Variants in RIMS1 observed in about 807,000 individuals in gnomAD.
The protein encoded by RIMS1 is regulating synaptic membrane exocytosis protein 1.
A neutral mutation model predicts 214.1 loss-of-function variants in RIMS1; 83 were observed. The ratio of observed to expected loss-of-function variants is 0.39; its 90% CI spans 0.32 to 0.47. The LOEUF (loss-of-function observed/expected upper bound fraction) is 0.47, where lower values mean the gene tolerates loss of function less well. Among genes scored for constraint, RIMS1 ranks in the 20% least tolerant of loss-of-function variants. The pLI, the probability that RIMS1 is intolerant of heterozygous loss-of-function variation, is 0.99. For synonymous variants in RIMS1, 793 were observed against 786.8 expected (o/e 1.01, Z -0.13); for missense variants, 2,050 against 2,161.8 (o/e 0.95, Z 1.03).
intron 24 of RIMS1, among the ~76,000 whole-genome samples, chr6:72,285,162 ACTTCTT>A (rs1468044394): frequency 6.6e-6 from 1 of 152,214 alleles, no homozygotes; most frequent in African/African-American, 2.4e-5. Flanking sequence ...AAGAATTTCA[ACTTCTT>A]TATTGATCTG....
chr6:72,002,400 C>T (rs1413500285), intron 2 of RIMS1, among the ~76,000 whole-genome samples: 4 of 151,644 alleles, frequency 2.6e-5, no homozygotes, highest in African/African-American at 9.7e-5. Flanking sequence ...GCAACAATAC[C>T]CCAGAAGTCT....
intron 6 of RIMS1, among the ~76,000 whole-genome samples, chr6:72,200,399 C>A (rs1344214139): frequency 6.6e-6 from 1 of 152,150 alleles, no homozygotes; most frequent in African/African-American, 2.4e-5. Flanking sequence ...TGCCCTGGGC[C>A]CTTTCCCACA....
chr6:72,180,829 A>G (rs975432848), intron 5 of RIMS1, among the ~76,000 whole-genome samples: 6 of 152,202 alleles, frequency 3.9e-5, no homozygotes, highest in East Asian at 1.9e-4. Flanking sequence ...AGCAAAGCCC[A>G]TACAGTAAAA....
chr6:72,241,468 C>G (rs1210212291), intron 9 of RIMS1, among the ~76,000 whole-genome samples: 1 of 151,910 alleles, frequency 6.6e-6, no homozygotes, highest in African/African-American at 2.4e-5. Context: ...TTCACGTGAC[C>G]TATGGTGTGA....
At chr6:72,351,308 T>C (rs1167220558) in intron 29 of RIMS1, among the ~76,000 whole-genome samples, 2 of 152,154 alleles carry the variant, frequency 1.3e-5, no homozygotes, top group East Asian at 3.8e-4. Context: ...CTTAAATGGC[T>C]ACTGTTTTTA....
At chr6:72,056,803 AAATT>A (rs1826312980) in intron 2 of RIMS1, among the ~76,000 whole-genome samples, 1 of 152,240 alleles carries the variant, frequency 6.6e-6, no homozygotes, top group Admixed American at 6.5e-5. Context: ...GAAAATAAGA[AAATT>A]AAGGTTAAAT....
chr6:72,097,564 A>G (rs1308218805), intron 3 of RIMS1, among the ~76,000 whole-genome samples: 1 of 152,226 alleles, frequency 6.6e-6, no homozygotes, highest in Admixed American at 6.5e-5. Flanking sequence ...TGCACGTAAA[A>G]TGCAAAATAA....
intron 1 of RIMS1, among the ~76,000 whole-genome samples, chr6:71,959,528 A>G (rs970033070): frequency 6.6e-6 from 1 of 152,124 alleles, no homozygotes; most frequent in Non-Finnish European, 1.5e-5. Flanking sequence ...GAAAACTCAT[A>G]GTTGTAAAAT....
intron 29 of RIMS1, among the ~76,000 whole-genome samples, chr6:72,379,953 T>G (rs1482393636): frequency 1.3e-5 from 2 of 151,998 alleles, no homozygotes; most frequent in Non-Finnish European, 2.9e-5. Context: ...TAAATAAAAG[T>G]TTTTAAAAAT....
intron 29 of RIMS1, among the ~76,000 whole-genome samples, chr6:72,383,707 T>G (rs2098536361): frequency 6.6e-6 from 1 of 151,872 alleles, no homozygotes; most frequent in Non-Finnish European, 1.5e-5. Flanking sequence ...AGAGGATCGC[T>G]TGAGCCCAGG....
intron 2 of RIMS1, among the ~76,000 whole-genome samples, chr6:72,026,458 C>G (rs1217798229): frequency 7.3e-5 from 4 of 54,762 alleles, no homozygotes; most frequent in African/African-American, 1.3e-4. Flanking sequence ...CAGCACCGCC[C>G]CCCCCCCCAA....
chr6:72,298,532 C>T (rs1229577017), intron 26 of RIMS1, among the ~76,000 whole-genome samples: 2 of 152,010 alleles, frequency 1.3e-5, no homozygotes, highest in East Asian at 1.9e-4. Flanking sequence ...AACTGCTTTG[C>T]ATGCATCACC....
chr6:72,200,613 A>T (rs1230864353), intron 6 of RIMS1, among the ~76,000 whole-genome samples: 2 of 152,228 alleles, frequency 1.3e-5, no homozygotes, highest in African/African-American at 2.4e-5. Context: ...TATGAAGGAT[A>T]GAGATGAGAA....
chr6:72,181,550 C>T (rs767186664), intron 5 of RIMS1, among the ~76,000 whole-genome samples: 30 of 152,208 alleles, frequency 2.0e-4, no homozygotes, highest in African/African-American at 7.0e-4. Flanking sequence ...ATTTCAAGAA[C>T]AAGGGCTGAA....
intron 22 of RIMS1, among the ~76,000 whole-genome samples, chr6:72,268,405 A>G (rs2081544512): frequency 6.6e-6 from 1 of 152,176 alleles, no homozygotes; most frequent in Admixed American, 6.6e-5. Context: ...ACTTAATTTT[A>G]TATTCTTAAG....
intron 1 of RIMS1, among the ~76,000 whole-genome samples, chr6:71,906,945 G>A (rs777802618): frequency 6.6e-6 from 1 of 151,664 alleles, no homozygotes; most frequent in Non-Finnish European, 1.5e-5. Flanking sequence ...TGAGTATAAA[G>A]ACAGGTGCAT....
intron 22 of RIMS1, among the ~76,000 whole-genome samples, chr6:72,272,443 T>G (rs2083907165): frequency 6.6e-6 from 1 of 152,126 alleles, no homozygotes; most frequent in African/African-American, 2.4e-5. Context: ...GCAAACAGAT[T>G]TATTATATTG....
At chr6:72,026,223 T>A (rs1036561053) in intron 2 of RIMS1, among the ~76,000 whole-genome samples, 1 of 152,186 alleles carries the variant, frequency 6.6e-6, no homozygotes, top group African/African-American at 2.4e-5. Context: ...TTGTTCAGCA[T>A]AGAGAGGCAG....
Position 72,056,182 on chromosome 6 carries a change from T to C in RIMS1, c.246-40767T>C, listed in dbSNP as rs116762512. 7.4e-3 allele frequency among the ~76,000 whole-genome samples: 1,130 copies of C among 152,182 alleles called. 10 individuals are homozygous for C. The highest frequency in any genetic ancestry group is 0.026 in the African/African-American group (1,068 of 41,518). Reference sequence around the variant, plus strand: ...ACGAACAGAAAACTAAATACCATATTTTCTCCCTTACAAGTGGGAGTTAAA... The same window carrying C: ...ACGAACAGAAAACTAAATACCATATCTTCTCCCTTACAAGTGGGAGTTAAA... On this transcript the variant is annotated intron_variant, in intron 2 of 33. Coordinates refer to ENST00000521978, the MANE Select transcript of RIMS1 (RefSeq NM_014989.7).
Sources: gnomAD v4.1 joint callset for allele counts (sites outside exome capture counted in the v4.1 genomes callset) on GRCh38, gnomAD v4.1.1 for gene constraint, MANE v1.5 for transcripts, NCBI Gene and HGNC (gene_info 2026-07-23, HGNC 2026-07-21) for gene names.